SDK1: variants seen among roughly 807,000 people sequenced by gnomAD.
SDK1 encodes protein sidekick-1.
SDK1 carries 157 observed loss-of-function variants against 245.5 expected under a neutral mutation model. The ratio of observed to expected loss-of-function variants is 0.64; its 90% CI spans 0.56 to 0.73. SDK1 has a LOEUF of 0.73. Ranked by LOEUF, SDK1 falls within the 30% of genes least tolerant of loss-of-function variation. The pLI is 0.00. For synonymous variants in SDK1, 1,647 were observed against 1,278.5 expected, an observed-to-expected ratio of 1.29 and a Z score of -6.15; for missense variants, 3,583 against 3,002.3, an observed-to-expected ratio of 1.19 and a Z score of -4.52.
chr7:3,662,490 C>T (rs1583283915), intron 4 of SDK1, among the ~76,000 whole-genome samples: 2 of 152,220 alleles, frequency 1.3e-5, no homozygotes, highest in South Asian at 4.2e-4. Context: ...CTTTGAAAAG[C>T]CCCATTTAGC....
intron 1 of SDK1, among the ~76,000 whole-genome samples, chr7:3,387,082 T>G (rs367631163): frequency 6.6e-6 from 1 of 152,294 alleles, no homozygotes. Context: ...ATGTTTACTC[T>G]TGGCTGACAC....
chr7:3,483,256 A>G (rs912635312), intron 1 of SDK1, among the ~76,000 whole-genome samples: 1 of 152,220 alleles, frequency 6.6e-6, no homozygotes, highest in Non-Finnish European at 1.5e-5. Context: ...TAGTTTATTC[A>G]GGCTTCTTTT....
At chr7:3,763,419 C>G (rs1331141589) in intron 4 of SDK1, among the ~76,000 whole-genome samples, 2 of 152,144 alleles carry the variant, frequency 1.3e-5, no homozygotes, top group African/African-American at 4.8e-5. Flanking sequence ...CACCTAGATT[C>G]TGCAACGAAC....
chr7:3,761,444 C>G (rs1780099381), intron 4 of SDK1, among the ~76,000 whole-genome samples: 1 of 151,250 alleles, frequency 6.6e-6, no homozygotes, highest in Non-Finnish European at 1.5e-5. Flanking sequence ...GTCCCAGTTA[C>G]TCGGAAGGCT....
chr7:3,938,792 T>C (rs1021516702), intron 5 of SDK1, among the ~76,000 whole-genome samples: 1 of 152,236 alleles, frequency 6.6e-6, no homozygotes. Context: ...CAATTTGTGC[T>C]CATCCTGAAC....
chr7:3,589,936 G>A (rs1780808005), intron 1 of SDK1, among the ~76,000 whole-genome samples: 2 of 152,200 alleles, frequency 1.3e-5, no homozygotes, highest in South Asian at 2.1e-4. Flanking sequence ...GTTATGCAGA[G>A]TCTGTGCTGT....
chr7:3,730,946 G>A (rs1028891421), intron 4 of SDK1, among the ~76,000 whole-genome samples: 1 of 152,122 alleles, frequency 6.6e-6, no homozygotes, highest in Non-Finnish European at 1.5e-5. Flanking sequence ...ATGAACCTTA[G>A]GACAGCTTTC....
intron 1 of SDK1, among the ~76,000 whole-genome samples, chr7:3,390,800 C>T (rs1309011642): frequency 6.6e-6 from 1 of 152,168 alleles, no homozygotes; most frequent in East Asian, 1.9e-4. Flanking sequence ...GAAACTTGAT[C>T]TTGGACTTCT....
rs531248797 is a variant in SDK1, at chr7:3,838,524, A to G, written c.847+16941A>G. ...TCAGCAGGTGCCTCTCTGTTCACAG[A>G]CTTGCAGCTCACCTGCTACTGTAGA... On this transcript the variant is annotated intron_variant, in intron 5 of 44. Transcript: ENST00000404826. 3.3e-5 allele frequency among the ~76,000 whole-genome samples: 5 copies of G among 152,356 alleles called. No individual in the cohort carries two copies. The South Asian group carries it at 6.2e-4, about 19-fold the overall frequency.
rs374919889 is a variant in SDK1 at position 3,737,850 on chromosome 7, T to A, written c.714-83600T>A. On this transcript the variant is annotated intron_variant, in intron 4 of 44. Coordinates refer to ENST00000404826, the MANE Select transcript of SDK1 (RefSeq NM_152744.4). Reference sequence around the variant, plus strand: ...ACATAGCTTAGGGGAAGTCTCTTTGTCTAGTGCTCTACCAGACTGGGGAGG... The same window carrying A: ...ACATAGCTTAGGGGAAGTCTCTTTGACTAGTGCTCTACCAGACTGGGGAGG... 3.5e-4 allele frequency among the ~76,000 whole-genome samples: 53 copies of A among 152,328 alleles called. No homozygotes were observed. In the South Asian group the frequency reaches 9.9e-3, roughly 29 times the overall value.
At chr7:3,857,847 A>C (rs1051082193) in intron 5 of SDK1, among the ~76,000 whole-genome samples, 1 of 152,204 alleles carries the variant, frequency 6.6e-6, no homozygotes, top group Non-Finnish European at 1.5e-5. Context: ...ATAGGAACAT[A>C]CCATTCACTG....
At chr7:4,259,079 G>A (rs568543677) in intron 44 of SDK1, among the ~76,000 whole-genome samples, 9 of 152,222 alleles carry the variant, frequency 5.9e-5, no homozygotes, top group Non-Finnish European at 7.4e-5. Flanking sequence ...CTTTTCTTCC[G>A]TTTTAGTTTA....
intron 32 of SDK1, among the ~76,000 whole-genome samples, chr7:4,165,941 G>A (rs550740293): frequency 1.3e-5 from 2 of 152,138 alleles, no homozygotes; most frequent in East Asian, 1.9e-4. Flanking sequence ...TGTGCACCAC[G>A]ATGCTTGGCT....
chr7:3,628,899 G>A lies in SDK1; in HGVS notation c.458+9660G>A, dbSNP rs548558194. 3.3e-5 allele frequency among the ~76,000 whole-genome samples: 5 copies of A among 152,252 alleles called. No individual in the cohort carries two copies. In the South Asian group the frequency reaches 8.3e-4, roughly 25 times the overall value. The stretch of plus-strand genomic sequence containing the variant: ...ATTTCTAGGCTGTGGCACAGAGAAG[G>A]AAAACCCAGGCAGAACCTAGAGGAC... On this transcript the variant is annotated intron_variant, in intron 2 of 44. Transcript: ENST00000404826.
chr7:3,878,472 G>A (rs916366489), intron 5 of SDK1, among the ~76,000 whole-genome samples: 3 of 152,076 alleles, frequency 2.0e-5, no homozygotes, highest in Non-Finnish European at 2.9e-5. Flanking sequence ...AGCCAAGATG[G>A]CACCACTGCA....
intron 22 of SDK1, among the ~76,000 whole-genome samples, chr7:4,103,527 T>C (rs1782710294): frequency 6.6e-6 from 1 of 152,242 alleles, no homozygotes; most frequent in Admixed American, 6.5e-5. Context: ...GAAATTTCAG[T>C]TTCTCCCCTA....
intron 5 of SDK1, among the ~76,000 whole-genome samples, chr7:3,824,998 C>G (rs1779735714): frequency 6.6e-6 from 1 of 152,090 alleles, no homozygotes; most frequent in Admixed American, 6.5e-5. Flanking sequence ...CTGGTGAGAG[C>G]TTGCTGCCAT....
intron 35 of SDK1, among the ~76,000 whole-genome samples, chr7:4,205,501 C>A (rs1291941386): frequency 6.6e-6 from 1 of 152,206 alleles, no homozygotes; most frequent in Non-Finnish European, 1.5e-5. Flanking sequence ...TAAGCCTGGT[C>A]AGGTATTAAC....
At chr7:3,343,010 A>AG (rs1199724806) in intron 1 of SDK1, among the ~76,000 whole-genome samples, 4 of 151,726 alleles carry the variant, frequency 2.6e-5, no homozygotes, top group African/African-American at 7.3e-5. Flanking sequence ...CTGAAAAAAA[A>AG]AAAAAAGCAC....
Sources: allele counts gnomAD v4.1 joint callset (sites outside exome capture counted in the v4.1 genomes callset), GRCh38; gene constraint gnomAD v4.1.1; transcripts MANE v1.5; gene names NCBI Gene and HGNC (gene_info 2026-07-23, HGNC 2026-07-21).